Variants in RTTN observed in about 807,000 individuals in gnomAD.
RTTN encodes rotatin.
Under a neutral mutation model 269.2 loss-of-function variants are expected in RTTN, and 182 were observed. That is an observed-to-expected ratio of 0.68 (90% CI 0.60 to 0.76). The LOEUF (loss-of-function observed/expected upper bound fraction) is 0.76, where lower values mean the gene tolerates loss of function less well. Ranked by LOEUF, RTTN falls within the 30% of genes least tolerant of loss-of-function variation. The probability of loss-of-function intolerance (pLI) is 0.00; values close to 1 mark genes in which losing one functional copy is unlikely to be tolerated. For missense variants in RTTN, 2,545 were observed against 2,608.6 expected (o/e 0.98, Z 0.53); for synonymous variants, 1,006 against 963.5 (o/e 1.04, Z -0.82).
At chr18:70,036,789 A>T (rs1230464182) in intron 40 of RTTN, among the ~76,000 whole-genome samples, 1 of 152,240 alleles carries the variant, frequency 6.6e-6, no homozygotes, top group Non-Finnish European at 1.5e-5. Flanking sequence ...AATTTTAACA[A>T]CTATATGCAC....
At position 70,075,377 on chromosome 18, in the gene RTTN, T is replaced by G. The variant is rs1316984764; in HGVS notation, c.4539A>C (p.Arg1513Ser). The stretch of plus-strand genomic sequence containing the variant: ...CATTTAAATCATTGCTTTCTGAATT[T>G]CTATCAAAAGCAGAAAAATTCAAAT... ...MFDLNFSAFD[R>S]NSESNDLNGL... The change falls in exon 33 of 49, where the codon AGA becomes AGC. Residue 1513 changes from arginine to serine, a missense_variant. Coordinates refer to ENST00000640769, the MANE Select transcript of RTTN (RefSeq NM_173630.4). 6.3e-7 allele frequency: 1 copy of G among 1,587,584 alleles called. No individual in the cohort carries two copies. The highest frequency in any genetic ancestry group is 8.5e-7 in the Non-Finnish European group (1 of 1,170,034).
chr18:70,147,740 T>C (rs2060431546), intron 17 of RTTN, among the ~76,000 whole-genome samples: 1 of 152,144 alleles, frequency 6.6e-6, no homozygotes, highest in Non-Finnish European at 1.5e-5. Context: ...GATCTGGCCT[T>C]TCCTTGCACT....
At chr18:70,067,805 A>G (rs1481905156) in intron 34 of RTTN, among the ~76,000 whole-genome samples, 3 of 152,228 alleles carry the variant, frequency 2.0e-5, no homozygotes, top group Non-Finnish European at 4.4e-5. Context: ...AAGAAAGCTT[A>G]TAAGGGCCCA....
chr18:70,110,358 G>A (rs2059431912), intron 27 of RTTN, among the ~76,000 whole-genome samples: 1 of 152,130 alleles, frequency 6.6e-6, no homozygotes, highest in African/African-American at 2.4e-5. Flanking sequence ...TTCCAACTAA[G>A]GTACCCGGTT....
chr18:70,089,779 G>A (rs2058794354), intron 30 of RTTN, among the ~76,000 whole-genome samples: 1 of 152,230 alleles, frequency 6.6e-6, no homozygotes, highest in African/African-American at 2.4e-5. Flanking sequence ...CAGAACTTGT[G>A]AGCAATGAAA....
chr18:70,036,113 C>T (rs2057165203), intron 40 of RTTN, among the ~76,000 whole-genome samples: 1 of 152,132 alleles, frequency 6.6e-6, no homozygotes, highest in Non-Finnish European at 1.5e-5. Context: ...CAAATTAGTT[C>T]AACCATTGGG....
chr18:70,044,700 C>G (rs2057443679), intron 40 of RTTN, among the ~76,000 whole-genome samples: 1 of 152,138 alleles, frequency 6.6e-6, no homozygotes, highest in African/African-American at 2.4e-5. Context: ...ATGCACTCAT[C>G]CTTCTTCGTC....
intron 27 of RTTN, among the ~76,000 whole-genome samples, chr18:70,110,795 A>C (rs573580554): frequency 6.6e-6 from 1 of 152,216 alleles, no homozygotes; most frequent in Non-Finnish European, 1.5e-5. Context: ...GAGCCCAGCA[A>C]ACTAAGATTC....
In RTTN at chr18:70,127,547, C is replaced by T. The variant is rs117774280; in HGVS notation, c.3338G>A (p.Cys1113Tyr). ...AGCCAAGGACTTCAAGGTAACCCCACATGGACCAGGGCAACCCTTTAAAGA... is the reference window on the plus strand; with the variant it reads ...AGCCAAGGACTTCAAGGTAACCCCATATGGACCAGGGCAACCCTTTAAAGA... ...RLSLKGCPGP[C>Y]GVTLKSLAWH... The change falls in exon 25 of 49, where the codon TGT (cysteine) becomes TAT (tyrosine). Residue 1113 changes from cysteine to tyrosine, a missense_variant. By Grantham distance (194) the Cys-to-Tyr change is radical. Coordinates refer to ENST00000640769, the MANE Select transcript of RTTN (RefSeq NM_173630.4). 5,651 of 1,613,544 alleles carry T rather than the reference C, an allele frequency of 3.5e-3. 15 individuals are homozygous for T. The highest frequency in any genetic ancestry group is 4.5e-3 in the Non-Finnish European group (5,344 of 1,179,708).
chr18:70,165,450 ATAAAAATGAATCAGAAG>A (rs1292183234), intron 14 of RTTN, among the ~76,000 whole-genome samples: 2 of 151,934 alleles, frequency 1.3e-5, no homozygotes, highest in African/African-American at 4.8e-5. Flanking sequence ...TTTTCTTTGA[ATAAAAATGAATCAGAAG>A]TAAAAATGGC....
chr18:70,187,015 A>G (rs2061562737), intron 10 of RTTN, among the ~76,000 whole-genome samples: 1 of 152,204 alleles, frequency 6.6e-6, no homozygotes, highest in South Asian at 2.1e-4. Context: ...AAGCTAAATA[A>G]AAGTTTTTTA....
intron 26 of RTTN, among the ~76,000 whole-genome samples, chr18:70,117,155 C>T (rs1243764804): frequency 6.6e-6 from 1 of 152,074 alleles, no homozygotes; most frequent in Non-Finnish European, 1.5e-5. Flanking sequence ...TTCCTCTTAG[C>T]ATTCTTCTGA....
chr18:70,118,210 A>C (rs1473172485), intron 26 of RTTN, among the ~76,000 whole-genome samples: 1 of 152,046 alleles, frequency 6.6e-6, no homozygotes, highest in African/African-American at 2.4e-5. Flanking sequence ...CAAAATTGAC[A>C]AACCTTTAGC....
At chr18:70,146,247 G>C (rs1390092408) in intron 17 of RTTN, among the ~76,000 whole-genome samples, 3 of 152,130 alleles carry the variant, frequency 2.0e-5, no homozygotes, top group Non-Finnish European at 2.9e-5. Flanking sequence ...TCATATTAGG[G>C]GCCAAACAGA....
chr18:70,014,087 T>A (rs1269179786), intron 46 of RTTN, among the ~76,000 whole-genome samples: 1 of 152,228 alleles, frequency 6.6e-6, no homozygotes, highest in Non-Finnish European at 1.5e-5. Flanking sequence ...AAAACAGAAC[T>A]TCCTACAATA....
chr18:70,075,588 A>C (rs1229140237), intron 32 of RTTN, 47 bp from the exon 33 acceptor site: 1 of 1,431,552 alleles, frequency 7.0e-7, no homozygotes, highest in Non-Finnish European at 9.3e-7. Flanking sequence ...TTTATCCAAC[A>C]ATTTCCTTAA....
intron 27 of RTTN, among the ~76,000 whole-genome samples, chr18:70,113,654 C>T (rs1231142926): frequency 6.6e-6 from 1 of 152,002 alleles, no homozygotes; most frequent in Non-Finnish European, 1.5e-5. Flanking sequence ...AAATGTCCAC[C>T]AATGAATGAA....
chr18:70,016,892 G>A (rs1007530376), intron 46 of RTTN, among the ~76,000 whole-genome samples: 1 of 152,084 alleles, frequency 6.6e-6, no homozygotes, highest in Non-Finnish European at 1.5e-5. Flanking sequence ...AGTGTGGGAA[G>A]ACTAGGAATA....
At position 70,075,555 on chromosome 18, in the gene RTTN, G is replaced by A. The variant is rs1391899622; in HGVS notation, c.4375-14C>T. ...AACACAGGGACCCTGTAGGAAGAGA[G>A]GGAAAGAAGGAGGAGACACTGATTT... On this transcript the variant is annotated splice_polypyrimidine_tract_variant and intron_variant, in intron 32 of 48. Coordinates refer to ENST00000640769, the MANE Select transcript of RTTN (RefSeq NM_173630.4). The A allele has an allele frequency of 6.5e-7, 1 of 1,541,242 alleles. No individual in the cohort carries two copies.
Sources: gnomAD v4.1 joint callset for allele counts (sites outside exome capture counted in the v4.1 genomes callset) on GRCh38, gnomAD v4.1.1 for gene constraint, MANE v1.5 for transcripts, NCBI Gene and HGNC (gene_info 2026-07-23, HGNC 2026-07-21) for gene names.